NAE1: variants seen among roughly 807,000 people sequenced by gnomAD.
The protein encoded by NAE1 is NEDD8 activating enzyme E1 subunit 1, also known as NEDD8-activating enzyme E1 regulatory subunit.
In NAE1, 59 loss-of-function variants were observed where a neutral mutation model predicts 88.0. That is an observed-to-expected ratio of 0.67 (90% CI 0.54 to 0.83). NAE1 has a LOEUF of 0.83. Among genes scored for constraint, NAE1 ranks in the 40% least tolerant of loss-of-function variants. NAE1 has a pLI of 0.00. For missense variants in NAE1, 554 were observed against 632.8 expected (o/e 0.88, Z 1.34); for synonymous variants, 186 against 208.9 (o/e 0.89, Z 0.95).
At chr16:66,824,624 T>C in intron 4 of NAE1, 1 of 345,260 alleles carries the variant, frequency 2.9e-6, no homozygotes, top group Non-Finnish European at 5.3e-6. Context: ...AGAATGAATA[T>C]TAACATTACT....
chr16:66,820,639 C>T (rs1156898470), intron 7 of NAE1, among the ~76,000 whole-genome samples: 8 of 152,088 alleles, frequency 5.3e-5, no homozygotes, highest in South Asian at 2.1e-4. Flanking sequence ...CGGTGGCTCA[C>T]GCCTGTAATC....
At chr16:66,822,731 C>T (rs536478463) in intron 6 of NAE1, among the ~76,000 whole-genome samples, 6 of 147,578 alleles carry the variant, frequency 4.1e-5, no homozygotes, top group East Asian at 4.1e-4. Context: ...TGTAGTGGCA[C>T]GATCTTTGGC....
chr16:66,821,326 C>T (rs1455006782), intron 7 of NAE1, 124 bp downstream of exon 7: 1 of 1,238,852 alleles, frequency 8.1e-7, no homozygotes, highest in African/African-American at 1.5e-5. Context: ...CACTTTGAAT[C>T]TGCAACTAGA....
intron 11 of NAE1, among the ~76,000 whole-genome samples, chr16:66,816,087 A>T (rs886991226): frequency 2.0e-5 from 3 of 152,172 alleles, no homozygotes; most frequent in Admixed American, 6.5e-5. Context: ...GTTACAAGAA[A>T]ATTCTAACTT....
At position 66,810,419 on chromosome 16, in the gene NAE1, A is replaced by G. The variant is rs1480053534; in HGVS notation, c.1111-6T>C. 1 of 1,599,000 alleles carries G rather than the reference A, an allele frequency of 6.3e-7. No homozygotes were observed. Among genetic ancestry groups the G allele is most frequent in the African/African-American group, 1.3e-5 (1 of 74,302 alleles). ...TCTGAAATGGACTCTGGTGCCTGTA[A>G]AGAGATAAATACAGATTCTGTTCCA... On this transcript the variant is annotated splice_polypyrimidine_tract_variant and splice_region_variant and intron_variant, in intron 14 of 19. Coordinates refer to ENST00000290810, the MANE Select transcript of NAE1 (RefSeq NM_003905.4).
chr16:66,828,483 T>C (rs1597052882), intron 1 of NAE1, among the ~76,000 whole-genome samples: 2 of 132,754 alleles, frequency 1.5e-5, no homozygotes, highest in African/African-American at 2.9e-5. Flanking sequence ...ACAGTGAGAC[T>C]CCGTCTCAAA....
At chr16:66,811,280 C>T (rs1959788958) in intron 13 of NAE1, among the ~76,000 whole-genome samples, 1 of 152,164 alleles carries the variant, frequency 6.6e-6, no homozygotes, top group Non-Finnish European at 1.5e-5. Flanking sequence ...ACCTCAGCTT[C>T]CCAAGTAGCT....
intron 13 of NAE1, among the ~76,000 whole-genome samples, chr16:66,811,918 C>G (rs930308459): frequency 2.6e-5 from 4 of 152,148 alleles, no homozygotes; most frequent in East Asian, 3.8e-4. Context: ...GAGATCATCT[C>G]TGTGTGACAT....
intron 13 of NAE1, among the ~76,000 whole-genome samples, chr16:66,812,693 A>T (rs1174670058): frequency 6.9e-6 from 1 of 144,542 alleles, no homozygotes; most frequent in African/African-American, 2.6e-5. Flanking sequence ...AATTTTTTGT[A>T]TTTTTTTAGT....
intron 3 of NAE1, among the ~76,000 whole-genome samples, chr16:66,825,280 T>C (rs905861959): frequency 2.0e-5 from 3 of 152,070 alleles, no homozygotes; most frequent in African/African-American, 7.2e-5. Flanking sequence ...ACCCCGTCTC[T>C]ATTAAAAATA....
At chr16:66,809,111 G>C in intron 15 of NAE1, 36 bp from the exon 16 acceptor site, 1 of 1,481,886 alleles carries the variant, frequency 6.7e-7, no homozygotes, top group Non-Finnish European at 9.4e-7. Context: ...AGTAATGACT[G>C]TGACTGGTGA....
intron 11 of NAE1, among the ~76,000 whole-genome samples, chr16:66,814,452 G>A (rs1159562727): frequency 4.0e-5 from 6 of 151,880 alleles, no homozygotes; most frequent in Admixed American, 1.3e-4. Flanking sequence ...AATTAGCTGC[G>A]CGTGGTGGCA....
Position 66,809,039 on chromosome 16 carries a change from C to A in NAE1, c.1187G>T (p.Arg396Leu). The A allele has an allele frequency of 6.2e-7, 1 of 1,612,624 alleles. No individual in the cohort carries two copies. The highest frequency in any genetic ancestry group is 2.2e-5 in the East Asian group (1 of 44,780). ...NSAFLRVVRC[R>L]SLAEEYGLDT... ...CAAACCATATTCTTCAGCTAAGGAT[C>A]GACATCTTACCACTCGAAGAAATGC... is the stretch of plus-strand genomic sequence containing the variant. The change falls in exon 16 of 20, where the codon CGA becomes CTA. Residue 396 changes from arginine (R) to leucine (L), a missense_variant. Physicochemically the swap from Arg to Leu is moderately radical, Grantham distance 102. Coordinates refer to ENST00000290810, the MANE Select transcript of NAE1 (RefSeq NM_003905.4).
At chr16:66,823,101 T>G in intron 6 of NAE1, 126 bp downstream of exon 6, 1 of 476,082 alleles carries the variant, frequency 2.1e-6, no homozygotes, top group Non-Finnish European at 3.4e-6. Context: ...AAAAAAAGTT[T>G]CATATTTAAA....
At chr16:66,815,534 T>C (rs1960007253) in intron 11 of NAE1, among the ~76,000 whole-genome samples, 1 of 152,122 alleles carries the variant, frequency 6.6e-6, no homozygotes, top group Non-Finnish European at 1.5e-5. Context: ...TTTTTAAATT[T>C]TTTGTAGAGA....
Position 66,824,780 on chromosome 16 carries a change from C to A in NAE1, c.249+75G>T. The stretch of plus-strand genomic sequence containing the variant: ...GAGAAATAATACACGTTTTTAAAGT[C>A]AAAGCTTTTCAAGCAATCAAAACAC... On this transcript the variant is annotated intron_variant, in intron 4 of 19. Coordinates refer to ENST00000290810, the MANE Select transcript of NAE1 (RefSeq NM_003905.4). 3 of 1,346,652 alleles carry A rather than the reference C, an allele frequency of 2.2e-6. No homozygotes were observed. The South Asian group carries it at 3.8e-5, about 17-fold the overall frequency. 83.4% of individuals were successfully genotyped at this position (1,346,652 alleles called of 1,614,324 possible). A position where few individuals can be genotyped will look rare whatever the true frequency, so the allele number is the denominator to read the frequency against.
chr16:66,823,544 T>G lies in NAE1; in HGVS notation c.306A>C (p.Gly102=). ...FLQELNSDVS[G]SFVEESPENL... ...ACATATATACCTCTTCCACAAAACT[T>G]CCAGAGACATCGCTATTTAATTCTT... Residue 102 remains glycine (G), a synonymous_variant, in exon 5 of 20, where the codon GGA becomes GGC. Transcript: ENST00000290810. 1.2e-6 allele frequency: 2 copies of G among 1,611,842 alleles called. No individual in the cohort carries two copies. Among genetic ancestry groups the G allele is most frequent in the South Asian group, 2.2e-5 (2 of 90,234 alleles).
intron 3 of NAE1, among the ~76,000 whole-genome samples, chr16:66,825,758 G>A (rs1432927424): frequency 6.6e-6 from 1 of 152,052 alleles, no homozygotes; most frequent in Non-Finnish European, 1.5e-5. Context: ...CAGATATGAG[G>A]CTGCTGATCA....
In NAE1 at chr16:66,816,968, G is replaced by A; in HGVS notation, c.745C>T (p.Gln249Ter). The change falls in exon 10 of 20, where the codon CAA becomes TAA. Residue 249 changes from glutamine to a stop codon, truncating the protein, a stop_gained. Coordinates refer to ENST00000290810, the MANE Select transcript of NAE1 (RefSeq NM_003905.4). LOFTEE classifies it high-confidence loss of function. ...EKEDFRDLIR[Q>*]GILKNENGAP... ...ATTTAATCATATCCCATATTACCTT[G>A]TCTAATCAAATCTCTGAAGTCCTCT... The A allele has an allele frequency of 6.3e-7, 1 of 1,597,612 alleles. No individual in the cohort carries two copies. The highest frequency in any genetic ancestry group is 1.7e-4 in the Middle Eastern group (1 of 5,980).
Sources: allele counts gnomAD v4.1 joint callset (sites outside exome capture counted in the v4.1 genomes callset), GRCh38; gene constraint gnomAD v4.1.1; transcripts MANE v1.5; gene names NCBI Gene and HGNC (gene_info 2026-07-23, HGNC 2026-07-21).